HIP1R: variants seen among roughly 807,000 people sequenced by gnomAD.
HIP1R encodes the protein huntingtin-interacting protein 1-related protein.
In HIP1R, 135 loss-of-function variants were observed where a neutral mutation model predicts 144.2. That is an observed-to-expected ratio of 0.94 (90% CI 0.81 to 1.08). HIP1R has a LOEUF of 1.08. Ranked by LOEUF, HIP1R falls within the 50% of genes least tolerant of loss-of-function variation. The pLI is 0.00. For synonymous variants in HIP1R, 698 were observed against 612.8 expected, an observed-to-expected ratio of 1.14 and a Z score of -2.05; for missense variants, 1,462 against 1,432.8, an observed-to-expected ratio of 1.02 and a Z score of -0.33.
chr12:122,855,812 C>T lies in HIP1R; in HGVS notation c.1056-19C>T, dbSNP rs1377352097. 1 of 1,555,734 alleles carries T rather than the reference C, an allele frequency of 6.4e-7. No individual in the cohort carries two copies. The highest frequency in any genetic ancestry group is 1.9e-5 in the Admixed American group (1 of 51,712). On this transcript the variant is annotated intron_variant, in intron 12 of 31. Transcript: ENST00000253083. ...TGTTCTGGTTGACTTAACTTGAACC[C>T]CAGGACCTCTGTCCCCAGGGACCTC...
Position 122,855,128 on chromosome 12 carries a change from G to T in HIP1R, c.852G>T (p.Glu284Asp). Residue 284 changes from glutamate (E) to aspartate (D), a missense_variant and splice_region_variant, in exon 10 of 32, where the codon GAG becomes GAT. Coordinates refer to ENST00000253083, the MANE Select transcript of HIP1R (RefSeq NM_003959.3). ...KRLIQIPRLP[E>D]GPPNFLRASA... ...TCATCCAGATCCCCCGGCTGCCCGAGGTACCACCCCCAAGAGGGCCCCGAG... is the reference window on the plus strand; with the variant it reads ...TCATCCAGATCCCCCGGCTGCCCGATGTACCACCCCCAAGAGGGCCCCGAG... 3 of 1,613,544 alleles carry T rather than the reference G, an allele frequency of 1.9e-6. No homozygotes were observed. The highest frequency in any genetic ancestry group is 2.5e-6 in the Non-Finnish European group (3 of 1,180,004).
chr12:122,848,596 C>G lies in HIP1R; in HGVS notation c.288C>G (p.Asp96Glu). 6.2e-7 allele frequency: 1 copy of G among 1,611,842 alleles called. No individual in the cohort carries two copies. Among genetic ancestry groups the G allele is most frequent in the East Asian group, 2.2e-5 (1 of 44,880 alleles). Residue 96 changes from aspartate (D) to glutamate (E), a missense_variant, in exon 3 of 32, where the codon GAC becomes GAG. Transcript: ENST00000253083. ...ACGTCCTCCACAAGGTCCTTCGAGA[C>G]GGGCACCCCAATGTGAGTAGCAGCT... ...FCHVLHKVLRDGHPNVLHDCQ... is the reference protein window; with the variant it reads ...FCHVLHKVLREGHPNVLHDCQ...
In HIP1R at chr12:122,835,657, GGGC is replaced by G. The variant is rs2032864211; in HGVS notation, c.93+20_93+22del. 1.0e-6 allele frequency: 1 copy of G among 971,076 alleles called. No individual in the cohort carries two copies. The allele number at this position is 971,076 out of a possible 1,614,324, so 60.2% of individuals were successfully genotyped here. A position where few individuals can be genotyped will look rare whatever the true frequency, so the allele number is the denominator to read the frequency against. Reference sequence around the variant, plus strand: ...GACAAGACCCAGGCGAGCGGGCGGCGGGCGGCGGGCGGCGGGCGGCGGCGGGCG... The same window carrying G: ...GACAAGACCCAGGCGAGCGGGCGGCGGGCGGGCGGCGGGCGGCGGCGGGCG... On this transcript the variant is annotated intron_variant, in intron 1 of 31. Transcript: ENST00000253083.
At position 122,858,436 on chromosome 12, in the gene HIP1R, G is replaced by T; in HGVS notation, c.2050+1G>T. ...GCCCAGTACCTGACCTCCTTGGCAG[G>T]TGAGTGTAGCCAGGGCAGGGCGGAG... is the stretch of plus-strand genomic sequence containing the variant. On this transcript the variant is annotated splice_donor_variant, in intron 20 of 31. Transcript: ENST00000253083. LOFTEE classifies it high-confidence loss of function. The T allele has an allele frequency of 6.2e-7, 1 of 1,603,454 alleles. No individual in the cohort carries two copies. Among genetic ancestry groups the T allele is most frequent in the Non-Finnish European group, 8.5e-7 (1 of 1,173,944 alleles).
intron 1 of HIP1R, among the ~76,000 whole-genome samples, chr12:122,837,874 C>T (rs1346998740): frequency 6.6e-6 from 1 of 152,190 alleles, no homozygotes; most frequent in Non-Finnish European, 1.5e-5. Flanking sequence ...GAGCCGCCAG[C>T]CAGGTCCCGT....
intron 4 of HIP1R, among the ~76,000 whole-genome samples, chr12:122,849,277 C>G (rs3852536): frequency 6.6e-6 from 1 of 152,318 alleles, no homozygotes; most frequent in Non-Finnish European, 1.5e-5. Flanking sequence ...GGATGCACTG[C>G]AAGACCTCAG....
Position 122,851,199 on chromosome 12 carries a change from A to G in HIP1R, c.516-37A>G, listed in dbSNP as rs778879629. 2.0e-6 allele frequency: 3 copies of G among 1,474,924 alleles called. No homozygotes were observed. The East Asian group carries it at 7.8e-5, about 38-fold the overall frequency. The allele number at this position is 1,474,924 out of a possible 1,614,324, so 91.4% of individuals were successfully genotyped here. On this transcript the variant is annotated intron_variant, in intron 6 of 31. Transcript: ENST00000253083. Reference sequence around the variant, plus strand: ...TCAGGACGAGTGGGTGGGTCCACCCACCCTTTTTCATTTCTTCCCCCACTT... The same window carrying G: ...TCAGGACGAGTGGGTGGGTCCACCCGCCCTTTTTCATTTCTTCCCCCACTT...
chr12:122,847,001 T>C (rs995032799), intron 1 of HIP1R, among the ~76,000 whole-genome samples: 1 of 152,206 alleles, frequency 6.6e-6, no homozygotes, highest in Non-Finnish European at 1.5e-5. Context: ...CCTGCCTGGC[T>C]TAGGCCAGCC....
intron 12 of HIP1R, 71 bp downstream of exon 12, chr12:122,855,683 G>A (rs1269483613): frequency 1.3e-6 from 2 of 1,533,098 alleles, no homozygotes; most frequent in South Asian, 1.2e-5. Context: ...GCTCTGGACA[G>A]TTCTGTCTGG....
chr12:122,854,768 C>T (rs776125096), intron 8 of HIP1R, 137 bp from the exon 9 acceptor site: 45 of 834,558 alleles, frequency 5.4e-5, no homozygotes, highest in East Asian at 1.3e-4. Flanking sequence ...CTCCCCATCC[C>T]GATGGGAGAG....
Position 122,861,126 on chromosome 12 carries a change from C to T in HIP1R, c.2891-5C>T. 6.2e-7 allele frequency: 1 copy of T among 1,613,426 alleles called. No individual in the cohort carries two copies. The highest frequency in any genetic ancestry group is 8.5e-7 in the Non-Finnish European group (1 of 1,180,002). On this transcript the variant is annotated splice_region_variant and splice_polypyrimidine_tract_variant and intron_variant, in intron 29 of 31. Transcript: ENST00000253083. ...GATGTTCACCCCCTTGTCCTCCGGC[C>T]ACAGACACCATGGATTTCTCCGGCC...
chr12:122,858,457 C>A, intron 20 of HIP1R, 22 bp downstream of exon 20: 1 of 1,565,602 alleles, frequency 6.4e-7, no homozygotes, highest in Non-Finnish European at 8.7e-7. Flanking sequence ...CAGGGCAGGG[C>A]GGAGGCGGGG....
Position 122,857,176 on chromosome 12 carries a change from C to A in HIP1R, c.1776C>A (p.Ser592=). 1 of 1,550,446 alleles carries A rather than the reference C, an allele frequency of 6.4e-7. No homozygotes were observed. The highest frequency in any genetic ancestry group is 8.7e-7 in the Non-Finnish European group (1 of 1,146,862). ...AALSREQQRS[S]QEQGELQGRL... is the part of the protein sequence containing the mutation. Reference sequence around the variant, plus strand: ...TGAGCCGGGAGCAGCAGCGCAGCTCCCAGGAGCAGGGCGAGTTGCAGGGCC... The same window carrying A: ...TGAGCCGGGAGCAGCAGCGCAGCTCACAGGAGCAGGGCGAGTTGCAGGGCC... The change falls in exon 18 of 32, where the codon TCC becomes TCA. Residue 592 remains serine, a synonymous_variant. Coordinates refer to ENST00000253083, the MANE Select transcript of HIP1R (RefSeq NM_003959.3).
intron 12 of HIP1R, 40 bp from the exon 13 acceptor site, chr12:122,855,791 C>A (rs765025159): frequency 1.3e-6 from 2 of 1,546,392 alleles, no homozygotes; most frequent in Non-Finnish European, 1.8e-6. Flanking sequence ...GTTGACTGTT[C>A]TGGTTGACTT....
intron 18 of HIP1R, 21 bp from the exon 19 acceptor site, chr12:122,858,080 TC>T (rs748353297): frequency 3.6e-5 from 49 of 1,344,708 alleles, no homozygotes; most frequent in Non-Finnish European, 4.8e-5. Context: ...CTCTAACCTG[TC>T]CTCTTCACCC....
chr12:122,856,577 C>G (rs2033588104), intron 16 of HIP1R, 29 bp downstream of exon 16: 1 of 1,597,888 alleles, frequency 6.3e-7, no homozygotes, highest in South Asian at 1.1e-5. Flanking sequence ...AGGGCCCTGC[C>G]CCGGCATCCC....
chr12:122,858,968 G>A (rs1306653370), intron 21 of HIP1R, 23 bp downstream of exon 21: 3 of 1,612,084 alleles, frequency 1.9e-6, no homozygotes, highest in Non-Finnish European at 2.5e-6. Context: ...TGGGATGGCA[G>A]GTTCTGTCCA....
intron 1 of HIP1R, among the ~76,000 whole-genome samples, chr12:122,847,256 CA>C (rs1180343960): frequency 6.6e-6 from 1 of 151,328 alleles, no homozygotes; most frequent in African/African-American, 2.4e-5. Flanking sequence ...CTCGAGAGCA[CA>C]GTCACGTCCA....
chr12:122,835,080 TTCCCCC>T, upstream of HIP1R: 1 of 1,015,724 alleles, frequency 9.8e-7, no homozygotes, highest in African/African-American at 1.7e-5. Flanking sequence ...GAGGGAGGGG[TTCCCCC>T]TCCCCCTTCC....
Sources: allele counts gnomAD v4.1 joint callset (sites outside exome capture counted in the v4.1 genomes callset), GRCh38; gene constraint gnomAD v4.1.1; transcripts MANE v1.5; gene names NCBI Gene and HGNC (gene_info 2026-07-23, HGNC 2026-07-21).